Variants in LRIG2 observed in about 807,000 individuals in gnomAD.
The protein encoded by LRIG2 is leucine-rich repeats and immunoglobulin-like domains protein 2.
Under a neutral mutation model 107.8 loss-of-function variants are expected in LRIG2, and 93 were observed. The observed-to-expected ratio is 0.86, with a 90% confidence interval of 0.73 to 1.03. LRIG2 has a LOEUF of 1.03. Ranked by LOEUF, LRIG2 falls within the 50% of genes least tolerant of loss-of-function variation. The pLI is 0.00. For synonymous variants in LRIG2, 471 were observed against 470.6 expected, an observed-to-expected ratio of 1.00 and a Z score of -0.01; for missense variants, 1,226 against 1,296.0, an observed-to-expected ratio of 0.95 and a Z score of 0.83.
intron 15 of LRIG2, among the ~76,000 whole-genome samples, chr1:113,115,767 C>G (rs1654980267): frequency 6.6e-6 from 1 of 151,936 alleles, no homozygotes; most frequent in African/African-American, 2.4e-5. Flanking sequence ...ACCTCGTGAT[C>G]CACCCACCTT....
chr1:113,081,968 G>T (rs1262043215), intron 1 of LRIG2, among the ~76,000 whole-genome samples: 1 of 152,194 alleles, frequency 6.6e-6, no homozygotes, highest in Non-Finnish European at 1.5e-5. Context: ...CTGGATATTA[G>T]TGGCCAAGTA....
intron 8 of LRIG2, among the ~76,000 whole-genome samples, 192 bp downstream of exon 8, chr1:113,096,557 A>C (rs1654077184): frequency 6.6e-6 from 1 of 152,224 alleles, no homozygotes; most frequent in African/African-American, 2.4e-5. Context: ...TGTCGTAGGC[A>C]ATTCAGTTTG....
chr1:113,123,727 T>TTTTGTGTG (rs1437564600), intron 17 of LRIG2, 148 bp from the exon 18 acceptor site: 97 of 597,178 alleles, frequency 1.6e-4, no homozygotes, highest in African/African-American at 1.1e-3. Context: ...GTGGTGGTTT[T>TTTTGTGTG]TGTGTGTGTG....
intron 1 of LRIG2, among the ~76,000 whole-genome samples, chr1:113,074,097 C>T (rs978220583): frequency 1.3e-5 from 2 of 152,050 alleles, no homozygotes; most frequent in Non-Finnish European, 2.9e-5. Flanking sequence ...TCACAATCGC[C>T]AAAGACCTAT....
rs1267014790 is a variant in LRIG2, at chr1:113,119,244, A to G, written c.2692A>G (p.Thr898Ala). 5 of 1,609,378 alleles carry G rather than the reference A, an allele frequency of 3.1e-6. No homozygotes were observed. The Admixed American group carries it at 8.3e-5, about 27-fold the overall frequency. ...IHKGTDGGTG[T>A]RVICSDCYDN... is the part of the protein sequence containing the mutation. ...TTTCTTGTTATTAGGTGGCACTGGT[A>G]CCCGGGTGATTTGCTCAGATTGTTA... The change falls in exon 17 of 18, where the codon ACC becomes GCC. Residue 898 changes from threonine (T) to alanine (A), a missense_variant. Transcript: ENST00000361127.
chr1:113,097,950 T>TG (rs1654138300), intron 8 of LRIG2, among the ~76,000 whole-genome samples: 2 of 152,216 alleles, frequency 1.3e-5, no homozygotes, highest in Admixed American at 1.3e-4. Context: ...GATCTCCTCT[T>TG]TACTGCTAAT....
intron 2 of LRIG2, among the ~76,000 whole-genome samples, chr1:113,091,611 A>G (rs943757161): frequency 2.0e-5 from 3 of 152,142 alleles, no homozygotes; most frequent in Non-Finnish European, 4.4e-5. Context: ...GAAATATTCT[A>G]CCTTCCTGGG....
In LRIG2 at chr1:113,113,496, G is replaced by A. The variant is rs144843683; in HGVS notation, c.2080+736G>A. Among the ~76,000 whole-genome samples, 839 of 149,560 alleles carry A rather than the reference G, an allele frequency of 5.6e-3. 13 individuals are homozygous for A. Among genetic ancestry groups the A allele is most frequent in the African/African-American group, 0.02 (808 of 40,940 alleles). ...TTTTTTAAGTTTGTTGGTTTGTATT[G>A]TTTACTTGTATAACCAGAAAAATAA... On this transcript the variant is annotated intron_variant, in intron 14 of 17. Coordinates refer to ENST00000361127, the MANE Select transcript of LRIG2 (RefSeq NM_014813.3).
intron 16 of LRIG2, among the ~76,000 whole-genome samples, chr1:113,117,313 C>T (rs1655062912): frequency 6.6e-6 from 1 of 152,154 alleles, no homozygotes; most frequent in African/African-American, 2.4e-5. Flanking sequence ...TAAAGCACTT[C>T]CCCCAAGATT....
intron 1 of LRIG2, among the ~76,000 whole-genome samples, chr1:113,084,121 G>A (rs1010502153): frequency 9.3e-5 from 14 of 150,470 alleles, no homozygotes; most frequent in Non-Finnish European, 2.1e-4. Context: ...TCCCTAGTGA[G>A]GCTAATGTGC....
In LRIG2 at chr1:113,093,952, C is replaced by T. The variant is rs193132975; in HGVS notation, c.516-387C>T. Among the ~76,000 whole-genome samples, 59 of 152,210 alleles carry T rather than the reference C, an allele frequency of 3.9e-4. 1 individual carries two copies. The highest frequency in any genetic ancestry group is 4.4e-4 in the Non-Finnish European group (30 of 68,014). On this transcript the variant is annotated intron_variant, in intron 4 of 17. Transcript: ENST00000361127. ...CCCCACAAGCCCCCTAAAGAAAGAT[C>T]GCACTATTGTCAGAAAATATTGGTA...
At position 113,114,758 on chromosome 1, in the gene LRIG2, C is replaced by T. The variant is rs762414285; in HGVS notation, c.2412C>T (p.Thr804=). 1 of 1,614,106 alleles carries T rather than the reference C, an allele frequency of 6.2e-7. No homozygotes were observed. Among genetic ancestry groups the T allele is most frequent in the South Asian group, 1.1e-5 (1 of 91,080 alleles). The change falls in exon 15 of 18, where the codon ACC becomes ACT. Residue 804 remains threonine, a synonymous_variant. Coordinates refer to ENST00000361127, the MANE Select transcript of LRIG2 (RefSeq NM_014813.3). ...SSIGHEDDGW[T]TVGIVIIVVV... is the part of the protein sequence containing the mutation. The stretch of plus-strand genomic sequence containing the variant: ...TTGGGCATGAAGATGATGGCTGGAC[C>T]ACAGTTGGCATTGTCATCATTGTTG...
At chr1:113,074,912 G>A (rs533357757) in intron 1 of LRIG2, among the ~76,000 whole-genome samples, 1 of 142,126 alleles carries the variant, frequency 7.0e-6, no homozygotes, top group Admixed American at 7.2e-5. Flanking sequence ...CGTCTGGGGG[G>A]AGGGAGGGTC....
chr1:113,085,953 G>T lies in LRIG2; in HGVS notation c.240-5365G>T, dbSNP rs187405222. 2.0e-5 allele frequency among the ~76,000 whole-genome samples: 3 copies of T among 148,890 alleles called. No individual in the cohort carries two copies. In the East Asian group the frequency reaches 6.0e-4, roughly 30 times the overall value. On this transcript the variant is annotated intron_variant, in intron 1 of 17. Coordinates refer to ENST00000361127, the MANE Select transcript of LRIG2 (RefSeq NM_014813.3). ...ACGCCAAGAATATTCAAGATCATAA[G>T]CACGTTAAATCACAATATGGTAATT...
At position 113,129,401 on chromosome 1, in the gene LRIG2, C is replaced by T. The variant is rs893015707; in HGVS notation, c.*5300C>T. The T allele has an allele frequency of 6.6e-6, 1 of 151,094 alleles. No individual in the cohort carries two copies. The highest frequency in any genetic ancestry group is 2.1e-4 in the South Asian group (1 of 4,780). 9.4% of individuals were successfully genotyped at this position (151,094 alleles called of 1,614,324 possible). On this transcript the variant is annotated 3_prime_UTR_variant, in exon 18 of 18. Transcript: ENST00000361127. ...GACAGTGCTGTCAGAGTCTGGTCTCCTAAAGAGCCAGGTCATTTTCCATTG... is the reference window on the plus strand; with the variant it reads ...GACAGTGCTGTCAGAGTCTGGTCTCTTAAAGAGCCAGGTCATTTTCCATTG...
At chr1:113,088,268 G>A (rs1653645468) in intron 1 of LRIG2, among the ~76,000 whole-genome samples, 1 of 152,130 alleles carries the variant, frequency 6.6e-6, no homozygotes, top group Non-Finnish European at 1.5e-5. Context: ...AGGCTGCAAA[G>A]CATTTCAGGT....
chr1:113,095,819 T>G, intron 6 of LRIG2, 55 bp from the exon 7 acceptor site: 1 of 1,595,078 alleles, frequency 6.3e-7, no homozygotes, highest in Non-Finnish European at 8.6e-7. Flanking sequence ...TTAAAGCTAG[T>G]TATTGAACTG....
chr1:113,121,418 T>G (rs1474859857), intron 17 of LRIG2, among the ~76,000 whole-genome samples: 2 of 152,148 alleles, frequency 1.3e-5, no homozygotes, highest in Non-Finnish European at 1.5e-5. Flanking sequence ...TTCATCCTTC[T>G]GTCAGCCTGA....
Position 113,114,617 on chromosome 1 carries a change from G to C in LRIG2, c.2271G>C (p.Gly757=), listed in dbSNP as rs1295150445. The C allele has an allele frequency of 1.2e-6, 2 of 1,613,964 alleles. No individual in the cohort carries two copies. The highest frequency in any genetic ancestry group is 1.7e-6 in the Non-Finnish European group (2 of 1,180,034). ...AGCTTCTCATCATTGTAGATGCCGG[G>C]CTAGAAGATGCTGGGAAATATACCT... is the stretch of plus-strand genomic sequence containing the variant. The part of the protein sequence containing the change: ...ANQLLIIVDA[G]LEDAGKYTCI... Residue 757 remains glycine, a synonymous_variant, in exon 15 of 18, where the codon GGG becomes GGC. Transcript: ENST00000361127.
Sources: allele counts gnomAD v4.1 joint callset (sites outside exome capture counted in the v4.1 genomes callset), GRCh38; gene constraint gnomAD v4.1.1; transcripts MANE v1.5; gene names NCBI Gene and HGNC (gene_info 2026-07-23, HGNC 2026-07-21).